The following R3HDM1 variants were observed in gnomAD, a reference collection of about 807,000 sequenced individuals.
R3HDM1 encodes R3H domain containing 1.
In R3HDM1, 46 loss-of-function variants were observed where a neutral mutation model predicts 141.1. The observed-to-expected ratio is 0.33, with a 90% CI of 0.26 to 0.42. The LOEUF (loss-of-function observed/expected upper bound fraction) is 0.42, where lower values mean the gene tolerates loss of function less well. Ranked by LOEUF, R3HDM1 falls within the 10% of genes least tolerant of loss-of-function variation. The pLI, the probability that R3HDM1 is intolerant of heterozygous loss-of-function variation, is 1.00. For synonymous variants in R3HDM1, 435 were observed against 472.9 expected, an observed-to-expected ratio of 0.92 and a Z score of 1.04; for missense variants, 1,184 against 1,368.3, an observed-to-expected ratio of 0.87 and a Z score of 2.12.
chr2:135,548,637 A>G (rs989885319), intron 1 of R3HDM1, among the ~76,000 whole-genome samples: 3 of 151,468 alleles, frequency 2.0e-5, no homozygotes, highest in East Asian at 1.9e-4. Flanking sequence ...TTTCCATCAT[A>G]TATTTGGCTG....
At chr2:135,678,744 T>C (rs1405569929) in intron 20 of R3HDM1, among the ~76,000 whole-genome samples, 1 of 146,992 alleles carries the variant, frequency 6.8e-6, no homozygotes, top group Non-Finnish European at 1.5e-5. Flanking sequence ...GTTATAGTGG[T>C]TATACTGGCT....
chr2:135,554,839 T>C (rs1700431732), intron 1 of R3HDM1, among the ~76,000 whole-genome samples: 1 of 152,170 alleles, frequency 6.6e-6, no homozygotes, highest in Non-Finnish European at 1.5e-5. Flanking sequence ...CTCAGAACTG[T>C]GCAAAGTTAA....
intron 21 of R3HDM1, among the ~76,000 whole-genome samples, chr2:135,686,270 A>T (rs2071327519): frequency 6.6e-6 from 1 of 152,106 alleles, no homozygotes; most frequent in African/African-American, 2.4e-5. Flanking sequence ...AGAAGTTCCT[A>T]AAAAAAATAA....
Position 135,710,040 on chromosome 2 carries a change from C to A in R3HDM1, c.2564-19C>A, listed in dbSNP as rs184114690. ...TGCTAAAATATTCTGACTATAGCAT[C>A]CTAAATTCTGATTTTCAGCTGGACC... On this transcript the variant is annotated intron_variant, in intron 22 of 26. Transcript: ENST00000683871. 125 of 1,610,346 alleles carry A rather than the reference C, an allele frequency of 7.8e-5. No homozygotes were observed. In the East Asian group the frequency reaches 2.6e-3, roughly 34 times the overall value.
chr2:135,640,282 T>A (rs1356767566), intron 14 of R3HDM1, among the ~76,000 whole-genome samples: 2 of 152,214 alleles, frequency 1.3e-5, no homozygotes, highest in Non-Finnish European at 2.9e-5. Context: ...ATAATATGGT[T>A]GTATTGAAAA....
intron 11 of R3HDM1, among the ~76,000 whole-genome samples, chr2:135,637,672 G>T (rs1191341998): frequency 6.6e-6 from 1 of 152,096 alleles, no homozygotes; most frequent in Non-Finnish European, 1.5e-5. Context: ...CCAGATTCTA[G>T]CCTGAGTGAT....
At position 135,709,524 on chromosome 2, in the gene R3HDM1, C is replaced by A. The variant is rs755927137; in HGVS notation, c.2551C>A (p.His851Asn). 1 of 1,614,068 alleles carries A rather than the reference C, an allele frequency of 6.2e-7. No individual in the cohort carries two copies. Residue 851 changes from histidine to asparagine, a missense_variant, in exon 22 of 27, where the codon CAC becomes AAC. Transcript: ENST00000683871. ...ATGCAGTTCCCAGCAGCTTCAAGGC[C>A]ACCAATGTACAGGTATAAAGAAATC... The part of the protein sequence containing the change: ...SPCSSQQLQG[H>N]QCTAGPPPPP...
At chr2:135,715,002 G>A (rs2076024366) in intron 23 of R3HDM1, among the ~76,000 whole-genome samples, 1 of 152,214 alleles carries the variant, frequency 6.6e-6, no homozygotes, top group Non-Finnish European at 1.5e-5. Flanking sequence ...AAAGTAGGAT[G>A]TATAGTCTGT....
chr2:135,699,837 C>T lies in R3HDM1; in HGVS notation c.2460-9596C>T, dbSNP rs1379034120. Among the ~76,000 whole-genome samples the T allele has an allele frequency of 3.9e-5, 6 of 152,172 alleles. No individual in the cohort carries two copies. The East Asian group carries it at 1.2e-3, about 29-fold the overall frequency. On this transcript the variant is annotated intron_variant, in intron 21 of 26. Transcript: ENST00000683871. ...TAATCCATAGAGATAAATTGTTACT[C>T]GAAGAAAACTGATAGTAAGTTTTCA... is the stretch of plus-strand genomic sequence containing the variant.
intron 1 of R3HDM1, among the ~76,000 whole-genome samples, chr2:135,575,062 G>A (rs962520102): frequency 6.6e-6 from 1 of 152,180 alleles, no homozygotes. Flanking sequence ...TCCCTAATCT[G>A]AAAGGCTCCA....
intron 1 of R3HDM1, chr2:135,584,002 T>C (rs1707336131): frequency 3.0e-6 from 3 of 985,264 alleles, no homozygotes; most frequent in South Asian, 4.7e-5. Context: ...TAGCACAAAA[T>C]TTAAGGTGCA....
intron 1 of R3HDM1, chr2:135,536,594 C>G (rs893111267): frequency 1.0e-5 from 9 of 897,166 alleles, no homozygotes; most frequent in Non-Finnish European, 1.2e-5. Context: ...TGACCATTCT[C>G]GAGAGGGAAT....
intron 21 of R3HDM1, among the ~76,000 whole-genome samples, chr2:135,703,434 T>C (rs1575135540): frequency 6.6e-6 from 1 of 152,192 alleles, no homozygotes; most frequent in Non-Finnish European, 1.5e-5. Context: ...TATTCTGCAA[T>C]CCAGCACCTG....
At chr2:135,618,470 T>C (rs1320838700) in intron 5 of R3HDM1, among the ~76,000 whole-genome samples, 1 of 151,078 alleles carries the variant, frequency 6.6e-6, no homozygotes, top group Non-Finnish European at 1.5e-5. Context: ...CTGATTTTTT[T>C]TTTTTTTTTT....
rs181309584 is a variant in R3HDM1 at position 135,613,409 on chromosome 2, C to G, written c.172-2743C>G. ...GCTTTAAATCTCTCTGACTTGCCCCCGTGCTCCCACCAGAGAAATGTTTGA... is the reference window on the plus strand; with the variant it reads ...GCTTTAAATCTCTCTGACTTGCCCCGGTGCTCCCACCAGAGAAATGTTTGA... On this transcript the variant is annotated intron_variant, in intron 3 of 26. Transcript: ENST00000683871. Among the ~76,000 whole-genome samples, 121 of 152,226 alleles carry G rather than the reference C, an allele frequency of 7.9e-4. 1 individual carries two copies. The highest frequency in any genetic ancestry group is 1.7e-3 in the Admixed American group (26 of 15,288).
chr2:135,558,058 A>G (rs191473617), intron 1 of R3HDM1, among the ~76,000 whole-genome samples: 13 of 152,348 alleles, frequency 8.5e-5, no homozygotes, highest in Admixed American at 8.5e-4. Context: ...AAGTAATAAA[A>G]CATTAGAAAT....
rs1448117483 is a variant in R3HDM1 at position 135,622,905 on chromosome 2, A to T, written c.497+173A>T. ...TTGTTGGTCTAGTATATGCAAATAT[A>T]TAAATATCTTTTTGCATTATGCATG... is the stretch of plus-strand genomic sequence containing the variant. On this transcript the variant is annotated intron_variant, in intron 7 of 26. Transcript: ENST00000683871. 4.1e-6 allele frequency: 4 copies of T among 984,110 alleles called. No individual in the cohort carries two copies. The East Asian group carries it at 4.5e-4, about 112-fold the overall frequency. The allele number at this position is 984,110 out of a possible 1,614,324, so 61.0% of individuals were successfully genotyped here. A position where few individuals can be genotyped will look rare whatever the true frequency, so the allele number is the denominator to read the frequency against.
Position 135,645,073 on chromosome 2 carries a change from CTCCG to C in R3HDM1, c.1475-303_1475-300del, listed in dbSNP as rs1574645131. ...CTCCAGCCTGAGCAACAGAGTGAGA[CTCCG>C]TCTAAGAAAATAATAATTAATTAAT... On this transcript the variant is annotated intron_variant, in intron 15 of 26. Transcript: ENST00000683871. Among the ~76,000 whole-genome samples, 3 of 152,276 alleles carry C rather than the reference CTCCG, an allele frequency of 2.0e-5. No homozygotes were observed. The South Asian group carries it at 6.2e-4, about 32-fold the overall frequency.
intron 7 of R3HDM1, among the ~76,000 whole-genome samples, chr2:135,624,610 T>A (rs2061823341): frequency 6.6e-6 from 1 of 152,112 alleles, no homozygotes; most frequent in African/African-American, 2.4e-5. Context: ...CACGAAAAAT[T>A]GTCTTGAAAT....
Sources: gnomAD v4.1 joint callset for allele counts (sites outside exome capture counted in the v4.1 genomes callset) on GRCh38, gnomAD v4.1.1 for gene constraint, MANE v1.5 for transcripts, NCBI Gene and HGNC (gene_info 2026-07-23, HGNC 2026-07-21) for gene names.